PCBP3: variants seen among roughly 807,000 people sequenced by gnomAD.
PCBP3 encodes poly(rC)-binding protein 3.
In PCBP3, 25 loss-of-function variants were observed where a neutral mutation model predicts 52.7. The observed-to-expected ratio is 0.47, with a 90% CI of 0.35 to 0.66. The LOEUF (loss-of-function observed/expected upper bound fraction) is 0.66, where lower values mean the gene tolerates loss of function less well. Ranked by LOEUF, PCBP3 falls within the 30% of genes least tolerant of loss-of-function variation. PCBP3 has a pLI of 0.01. For synonymous variants in PCBP3, 162 were observed against 183.0 expected (o/e 0.89, Z 0.93); for missense variants, 391 against 490.3 (o/e 0.80, Z 1.91).
rs8127809 is a variant in PCBP3, at chr21:45,790,031, G to A, written c.-126+34579G>A. 2.6e-5 allele frequency among the ~76,000 whole-genome samples: 4 copies of A among 152,088 alleles called. No individual in the cohort carries two copies. The East Asian group carries it at 5.8e-4, about 22-fold the overall frequency. ...GGCGTGCGCCTGTAATCCCAGCTAC[G>A]CGGGAGGCTGAGGCAGGAGAATGGC... On this transcript the variant is annotated intron_variant, in intron 4 of 17. Transcript: ENST00000681687.
intron 4 of PCBP3, among the ~76,000 whole-genome samples, chr21:45,835,838 T>G (rs2093573039): frequency 6.6e-6 from 1 of 152,014 alleles, no homozygotes; most frequent in Non-Finnish European, 1.5e-5. Context: ...GGTCTGGGCC[T>G]TATGCCCTGG....
chr21:45,750,805 G>A (rs1326145211), intron 3 of PCBP3: 1 of 152,098 alleles, frequency 6.6e-6, no homozygotes, highest in Non-Finnish European at 1.5e-5. Context: ...TTCTAACCCT[G>A]TTAGGGGTCA....
intron 4 of PCBP3, among the ~76,000 whole-genome samples, chr21:45,835,682 C>T (rs928845981): frequency 6.6e-6 from 1 of 152,198 alleles, no homozygotes; most frequent in South Asian, 2.1e-4. Context: ...CTGTGAGCTG[C>T]CCATGGGCCT....
chr21:45,692,540 G>A (rs1018819968), intron 2 of PCBP3, among the ~76,000 whole-genome samples: 6 of 152,112 alleles, frequency 3.9e-5, no homozygotes, highest in African/African-American at 9.7e-5. Context: ...ATAATTGGTC[G>A]AATTCCTTGA....
intron 2 of PCBP3, among the ~76,000 whole-genome samples, chr21:45,711,654 C>G (rs1266346637): frequency 3.9e-5 from 6 of 152,182 alleles, no homozygotes; most frequent in Non-Finnish European, 8.8e-5. Flanking sequence ...CTACTCATTT[C>G]TAAAATGACT....
chr21:45,678,998 G>C (rs1177427087), intron 2 of PCBP3, among the ~76,000 whole-genome samples: 1 of 150,226 alleles, frequency 6.7e-6, no homozygotes, highest in African/African-American at 2.4e-5. Context: ...CAGCCTGATT[G>C]ATCAGCAGCC....
At chr21:45,753,686 T>C (rs1030175866) in intron 3 of PCBP3, among the ~76,000 whole-genome samples, 1 of 152,204 alleles carries the variant, frequency 6.6e-6, no homozygotes, top group East Asian at 1.9e-4. Context: ...TCCTTCACTA[T>C]GTAATTTCGG....
At chr21:45,814,878 GTGAGTGGTGAGTGA>G (rs2092822818) in intron 4 of PCBP3, among the ~76,000 whole-genome samples, 3 of 132,062 alleles carry the variant, frequency 2.3e-5, no homozygotes, top group Non-Finnish European at 3.2e-5. Flanking sequence ...TGACTGGTGA[GTGAGTGGTGAGTGA>G]TGAGTGGTGA....
chr21:45,787,301 A>G (rs1250279516), intron 4 of PCBP3, among the ~76,000 whole-genome samples: 1 of 152,000 alleles, frequency 6.6e-6, no homozygotes, highest in Non-Finnish European at 1.5e-5. Context: ...CTGGAGTGCA[A>G]TGGCGTGATC....
chr21:45,897,886 TC>T (rs1319102653), intron 6 of PCBP3, among the ~76,000 whole-genome samples: 1 of 151,908 alleles, frequency 6.6e-6, no homozygotes, highest in Non-Finnish European at 1.5e-5. Context: ...CAGCACAGGG[TC>T]CCCCAGTTCT....
intron 3 of PCBP3, among the ~76,000 whole-genome samples, chr21:45,739,852 A>G (rs542996127): frequency 1.1e-4 from 17 of 151,934 alleles, no homozygotes; most frequent in Non-Finnish European, 2.2e-4. Context: ...TGTCACACAC[A>G]CTCTCTTCGC....
rs374886674 is a variant in PCBP3, at chr21:45,896,359, A to G, written c.162A>G (p.Gly54=). The G allele has an allele frequency of 1.1e-4, 178 of 1,551,588 alleles. 1 individual carries two copies. The highest frequency in any genetic ancestry group is 1.5e-4 in the Non-Finnish European group (176 of 1,146,974). Residue 54 remains glycine, a synonymous_variant, in exon 6 of 18, where the codon GGA becomes GGG. Coordinates refer to ENST00000681687, the MANE Select transcript of PCBP3 (RefSeq NM_001384156.1). ...VTLTIRLLMH[G]KEVGSIIGKK... is the part of the protein sequence containing the mutation. ...TCACCATCCGCCTGCTGATGCATGG[A>G]AAGGTAAGAGGAGCCGCCATTGTCT... is the stretch of plus-strand genomic sequence containing the variant.
chr21:45,912,750 C>T (rs543041966), intron 11 of PCBP3, among the ~76,000 whole-genome samples: 40 of 152,294 alleles, frequency 2.6e-4, no homozygotes, highest in Admixed American at 2.2e-3. Context: ...GGCACTGGCC[C>T]GAGGCTGGGC....
intron 9 of PCBP3, among the ~76,000 whole-genome samples, chr21:45,903,317 G>C (rs761123374): frequency 2.8e-4 from 42 of 152,126 alleles, no homozygotes; most frequent in Non-Finnish European, 4.3e-4. Flanking sequence ...TTTAAGTTTT[G>C]AATGACCTAG....
At chr21:45,929,594 T>C (rs1353473088) in intron 13 of PCBP3, among the ~76,000 whole-genome samples, 1 of 152,226 alleles carries the variant, frequency 6.6e-6, no homozygotes, top group African/African-American at 2.4e-5. Context: ...AGACTCTCCA[T>C]GGCCCACTGG....
chr21:45,650,921 G>A (rs796262523), intron 1 of PCBP3, among the ~76,000 whole-genome samples: 23 of 152,230 alleles, frequency 1.5e-4, no homozygotes, highest in South Asian at 1.2e-3. Context: ...CAGATGGGGC[G>A]GGGTGGTAGA....
At chr21:45,666,730 A>G (rs62215038) in intron 1 of PCBP3, among the ~76,000 whole-genome samples, 8 of 149,820 alleles carry the variant, frequency 5.3e-5, no homozygotes, top group Non-Finnish European at 1.0e-4. Context: ...TCTTATTGAG[A>G]ATTTTTTTTT....
At chr21:45,847,685 T>C (rs927327826) in intron 4 of PCBP3, among the ~76,000 whole-genome samples, 8 of 152,240 alleles carry the variant, frequency 5.3e-5, no homozygotes, top group African/African-American at 1.9e-4. Flanking sequence ...AGTCAGGAAG[T>C]CCGATCCCCA....
At chr21:45,667,465 C>T (rs180875796) in intron 1 of PCBP3, among the ~76,000 whole-genome samples, 1 of 152,080 alleles carries the variant, frequency 6.6e-6, no homozygotes, top group Admixed American at 6.5e-5. Context: ...TGTTGAACCA[C>T]TCTAATGAAT....
Sources: allele counts gnomAD v4.1 joint callset (sites outside exome capture counted in the v4.1 genomes callset), GRCh38; gene constraint gnomAD v4.1.1; transcripts MANE v1.5; gene names NCBI Gene and HGNC (gene_info 2026-07-23, HGNC 2026-07-21).